GPR107: variants seen among roughly 807,000 people sequenced by gnomAD.
GPR107 encodes G protein-coupled receptor 107.
In GPR107, 31 loss-of-function variants were observed where a neutral mutation model predicts 75.5. That is an observed-to-expected ratio of 0.41 (90% CI 0.31 to 0.55). The LOEUF is 0.55. GPR107 is among the 20% of genes least tolerant of loss of function. The pLI is 0.26. For missense variants in GPR107, 572 were observed against 665.7 expected (o/e 0.86, Z 1.55); for synonymous variants, 267 against 251.3 (o/e 1.06, Z -0.59).
intron 7 of GPR107, among the ~76,000 whole-genome samples, chr9:130,087,615 A>G (rs1830644345): frequency 6.6e-6 from 1 of 151,958 alleles, no homozygotes; most frequent in Non-Finnish European, 1.5e-5. Context: ...ATCCTGGGAA[A>G]TGTGGTGAAA....
At chr9:130,059,498 T>A (rs563604679) in intron 1 of GPR107, among the ~76,000 whole-genome samples, 22 of 151,420 alleles carry the variant, frequency 1.5e-4, no homozygotes, top group South Asian at 1.0e-3. Context: ...CAAAAAAAAA[T>A]AAATAAATAA....
intron 4 of GPR107, among the ~76,000 whole-genome samples, chr9:130,077,689 A>G (rs928603684): frequency 2.6e-5 from 4 of 152,200 alleles, no homozygotes; most frequent in African/African-American, 9.6e-5. Flanking sequence ...TGAATAAGTA[A>G]AGCATTCCAG....
intron 1 of GPR107, among the ~76,000 whole-genome samples, chr9:130,070,310 A>G (rs1475146867): frequency 6.6e-6 from 1 of 150,618 alleles, no homozygotes. Flanking sequence ...CTATTTATTT[A>G]TTATTTATTT....
At chr9:130,132,198 C>T (rs750488834) in intron 17 of GPR107, among the ~76,000 whole-genome samples, 4 of 152,168 alleles carry the variant, frequency 2.6e-5, no homozygotes, top group Non-Finnish European at 5.9e-5. Context: ...TGTGCCCAGC[C>T]CTTCCTGTCC....
At chr9:130,082,405 CT>C (rs1403503411) in intron 5 of GPR107, among the ~76,000 whole-genome samples, 1 of 151,572 alleles carries the variant, frequency 6.6e-6, no homozygotes, top group Non-Finnish European at 1.5e-5. Flanking sequence ...AGAAAATATT[CT>C]TTTCTTTCTC....
chr9:130,112,295 C>T lies in GPR107; in HGVS notation c.1306+4756C>T, dbSNP rs755428453. 2.0e-5 allele frequency among the ~76,000 whole-genome samples: 3 copies of T among 152,158 alleles called. No homozygotes were observed. The highest frequency in any genetic ancestry group is 6.5e-5 in the Admixed American group (1 of 15,272). On this transcript the variant is annotated intron_variant, in intron 14 of 17. Coordinates refer to ENST00000347136, the MANE Select transcript of GPR107 (RefSeq NM_020960.5). This position sits in a 1 kb window ranked among gnomAD's most constrained non-coding sequence, Gnocchi z 4.0. Reference sequence around the variant, plus strand: ...GGTGCCGCCGTGCTCTGAAAGGAGCCGCGACCATGCGAGGCATTTGTTAGG... The same window carrying T: ...GGTGCCGCCGTGCTCTGAAAGGAGCTGCGACCATGCGAGGCATTTGTTAGG...
At chr9:130,072,515 G>A (rs1269757900) in intron 1 of GPR107, among the ~76,000 whole-genome samples, 1 of 151,846 alleles carries the variant, frequency 6.6e-6, no homozygotes. Flanking sequence ...CACCGCGCCC[G>A]GCCTTGATCT....
At chr9:130,124,760 G>A (rs919568063) in intron 14 of GPR107, among the ~76,000 whole-genome samples, 155 bp from the exon 15 acceptor site, 4 of 152,218 alleles carry the variant, frequency 2.6e-5, no homozygotes, top group Admixed American at 6.5e-5. Context: ...AGGAGAGACC[G>A]CCCAGCGGAC....
chr9:130,091,797 G>A (rs1830745321), intron 8 of GPR107, among the ~76,000 whole-genome samples: 2 of 151,830 alleles, frequency 1.3e-5, no homozygotes, highest in Admixed American at 6.6e-5. Context: ...CTGGGTTCAA[G>A]TGATTGTCCT....
intron 9 of GPR107, among the ~76,000 whole-genome samples, chr9:130,095,840 C>T (rs1830854179): frequency 6.6e-6 from 1 of 152,166 alleles, no homozygotes; most frequent in Admixed American, 6.6e-5. Context: ...AGAGTCAGTT[C>T]TGGTAGGCTG....
intron 9 of GPR107, among the ~76,000 whole-genome samples, chr9:130,098,244 G>A (rs1830928360): frequency 1.3e-5 from 2 of 152,240 alleles, no homozygotes; most frequent in South Asian, 4.2e-4. Flanking sequence ...AGGAGTAGAG[G>A]AATTTAATGC....
At chr9:130,063,874 G>A (rs1020331470) in intron 1 of GPR107, among the ~76,000 whole-genome samples, 3 of 147,298 alleles carry the variant, frequency 2.0e-5, no homozygotes, top group African/African-American at 7.5e-5. Flanking sequence ...GCACGATCTC[G>A]GCTCACTGCA....
intron 1 of GPR107, among the ~76,000 whole-genome samples, chr9:130,063,645 T>C (rs1447395583): frequency 6.6e-6 from 1 of 152,154 alleles, no homozygotes; most frequent in Non-Finnish European, 1.5e-5. Flanking sequence ...GTGTGCTTCC[T>C]TCTGAAAATA....
At chr9:130,073,170 A>ATAC (rs529979496) in intron 1 of GPR107, among the ~76,000 whole-genome samples, 639 of 152,278 alleles carry the variant, frequency 4.2e-3, no homozygotes, top group Middle Eastern at 0.017. Context: ...TGTGATTCAT[A>ATAC]TACGTTGTTT....
Position 130,140,124 on chromosome 9 carries a change from G to C in GPR107, c.*5003G>C, listed in dbSNP as rs1239511136. 1 of 152,130 alleles carries C rather than the reference G, an allele frequency of 6.6e-6. No homozygotes were observed. Among genetic ancestry groups the C allele is most frequent in the Non-Finnish European group, 1.5e-5 (1 of 68,046 alleles). 9.4% of individuals were successfully genotyped at this position (152,130 alleles called of 1,614,324 possible). A position where few individuals can be genotyped will look rare whatever the true frequency, so the allele number is the denominator to read the frequency against. On this transcript the variant is annotated 3_prime_UTR_variant, in exon 18 of 18. Coordinates refer to ENST00000347136, the MANE Select transcript of GPR107 (RefSeq NM_020960.5). This position sits in a 1 kb window ranked among gnomAD's most constrained non-coding sequence, Gnocchi z 4.0. ...GGTGATGTACGGGGTGAATTCTCTT[G>C]CCGTGTTGCAAATGTGTAAAATAAA... is the stretch of plus-strand genomic sequence containing the variant.
chr9:130,115,312 A>AC (rs1831395329), intron 14 of GPR107, among the ~76,000 whole-genome samples: 1 of 152,150 alleles, frequency 6.6e-6, no homozygotes, highest in Non-Finnish European at 1.5e-5. Flanking sequence ...ATAGGAACAC[A>AC]CCAGCCGCAT....
rs6151190 is a variant in GPR107, at chr9:130,082,474, C to CT, written c.527-1067dup. On this transcript the variant is annotated intron_variant, in intron 5 of 17. Coordinates refer to ENST00000347136, the MANE Select transcript of GPR107 (RefSeq NM_020960.5). ...GTCCAGTCTTTCCCAAAAAGAATAT[C>CT]TTTTTTTTTTTTTTTTTTTTTTTTA... is the stretch of plus-strand genomic sequence containing the variant. Among the ~76,000 whole-genome samples the CT allele has an allele frequency of 8.0e-3, 1,010 of 126,030 alleles. 14 individuals carry two copies. Among genetic ancestry groups the CT allele is most frequent in the African/African-American group, 0.029 (967 of 33,250 alleles). 82.7% of individuals were successfully genotyped at this position (126,030 alleles called of 152,430 possible).
intron 1 of GPR107, among the ~76,000 whole-genome samples, chr9:130,072,305 G>A (rs999036888): frequency 2.0e-5 from 3 of 150,558 alleles, no homozygotes; most frequent in East Asian, 2.0e-4. Flanking sequence ...TGCAGGCTCC[G>A]CCCCCTGGGG....
At chr9:130,069,081 G>C (rs1830136136) in intron 1 of GPR107, among the ~76,000 whole-genome samples, 1 of 152,104 alleles carries the variant, frequency 6.6e-6, no homozygotes, top group Non-Finnish European at 1.5e-5. Flanking sequence ...GTATGTGGTA[G>C]TTAAAAAAAT....
Sources: allele counts gnomAD v4.1 joint callset (sites outside exome capture counted in the v4.1 genomes callset), GRCh38; gene constraint gnomAD v4.1.1; non-coding constraint Gnocchi (gnomAD v3.1); transcripts MANE v1.5; gene names NCBI Gene and HGNC (gene_info 2026-07-23, HGNC 2026-07-21).